ABLIM2: variants seen among roughly 807,000 people sequenced by gnomAD.
ABLIM2 encodes actin binding LIM protein family member 2.
ABLIM2 carries 53 observed loss-of-function variants against 97.7 expected under a neutral mutation model. The ratio of observed to expected loss-of-function variants is 0.54; its 90% CI spans 0.44 to 0.68. The LOEUF is 0.68. Ranked by LOEUF, ABLIM2 falls within the 30% of genes least tolerant of loss-of-function variation. ABLIM2 has a pLI of 0.00. For synonymous variants in ABLIM2, 361 were observed against 345.8 expected (o/e 1.04, Z -0.49); for missense variants, 835 against 867.2 (o/e 0.96, Z 0.47).
At chr4:8,009,728 A>C (rs1237513733) in intron 14 of ABLIM2, among the ~76,000 whole-genome samples, 3 of 151,032 alleles carry the variant, frequency 2.0e-5, no homozygotes, top group African/African-American at 7.3e-5. Context: ...CATTTTAAAA[A>C]CCTCCCACGT....
Position 8,002,408 on chromosome 4 carries a change from C to T in ABLIM2, c.1618+5651G>A, listed in dbSNP as rs1757842756. ...CCCTGCCAGTGAGATCCTTCCAGGG[C>T]CCCCCACTGCTTTTGTGGGAGCCCT... On this transcript the variant is annotated intron_variant, in intron 16 of 20. Transcript: ENST00000447017. The surrounding 1 kb of genome is among the most constrained non-coding windows in gnomAD (Gnocchi z 6.1). Among the ~76,000 whole-genome samples, 1 of 149,900 alleles carries T rather than the reference C, an allele frequency of 6.7e-6. No homozygotes were observed. Among genetic ancestry groups the T allele is most frequent in the East Asian group, 1.9e-4 (1 of 5,176 alleles).
At position 8,061,221 on chromosome 4, in the gene ABLIM2, C is replaced by A. The variant is rs1472479091; in HGVS notation, c.676-167G>T. ...AAGACCCCTGAGCAGAGCCCAGACC[C>A]GGGGGTGCCCCCGGGCTGTCCAAGG... On this transcript the variant is annotated intron_variant, in intron 6 of 20. Transcript: ENST00000447017. This position sits in a 1 kb window ranked among gnomAD's most constrained non-coding sequence, Gnocchi z 4.5. Among the ~76,000 whole-genome samples the A allele has an allele frequency of 6.6e-6, 1 of 151,898 alleles. No homozygotes were observed. The highest frequency in any genetic ancestry group is 1.5e-5 in the Non-Finnish European group (1 of 67,936).
intron 6 of ABLIM2, among the ~76,000 whole-genome samples, chr4:8,070,120 G>A (rs1187192212): frequency 6.6e-6 from 1 of 151,740 alleles, no homozygotes; most frequent in African/African-American, 2.4e-5. Context: ...ATGTGTCTAT[G>A]TATGTCTACA....
intron 20 of ABLIM2, among the ~76,000 whole-genome samples, chr4:7,968,509 T>A (rs1209460914): frequency 6.6e-6 from 1 of 152,226 alleles, no homozygotes; most frequent in Non-Finnish European, 1.5e-5. Context: ...TAAAAGGTCG[T>A]GAAGTTCCGA....
intron 6 of ABLIM2, among the ~76,000 whole-genome samples, chr4:8,073,140 T>C (rs977838432): frequency 7.2e-6 from 1 of 139,316 alleles, no homozygotes; most frequent in African/African-American, 2.7e-5. Context: ...GTGGGGAAGA[T>C]GGGAGGAGAC....
intron 1 of ABLIM2, among the ~76,000 whole-genome samples, chr4:8,118,102 T>C (rs1843590937): frequency 6.6e-6 from 1 of 152,226 alleles, no homozygotes; most frequent in Non-Finnish European, 1.5e-5. Context: ...AGCCTCTCCC[T>C]GCCATCTGCG....
intron 12 of ABLIM2, among the ~76,000 whole-genome samples, chr4:8,027,410 C>A (rs1778110616): frequency 1.3e-5 from 2 of 152,158 alleles, no homozygotes; most frequent in Admixed American, 6.5e-5. Flanking sequence ...ACCCTGAGAG[C>A]ACCTGTGCCC....
chr4:8,035,648 C>T (rs535448705), intron 10 of ABLIM2, among the ~76,000 whole-genome samples: 5 of 152,312 alleles, frequency 3.3e-5, no homozygotes, highest in South Asian at 4.1e-4. Flanking sequence ...GGAGTAGGAA[C>T]GCCGTCCACA....
At chr4:7,968,541 G>A (rs935176874) in intron 20 of ABLIM2, among the ~76,000 whole-genome samples, 5 of 152,232 alleles carry the variant, frequency 3.3e-5, no homozygotes, top group African/African-American at 9.6e-5. Flanking sequence ...GCATGGATGA[G>A]CCCCAAACAC....
rs375497178 is a variant in ABLIM2, at chr4:8,096,865, T to G, written c.338+234A>C. On this transcript the variant is annotated intron_variant, in intron 3 of 20. Coordinates refer to ENST00000447017, the MANE Select transcript of ABLIM2 (RefSeq NM_001130083.2). ...CTTGCTGCATGCTTGCTCTGTGCCATGCACCAGACCCAAAGCGGGGCAGCC... is the reference window on the plus strand; with the variant it reads ...CTTGCTGCATGCTTGCTCTGTGCCAGGCACCAGACCCAAAGCGGGGCAGCC... Among the ~76,000 whole-genome samples the G allele has an allele frequency of 5.3e-5, 8 of 152,260 alleles. 1 individual carries two copies. The highest frequency in any genetic ancestry group is 1.9e-4 in the African/African-American group (8 of 41,560).
In ABLIM2 at chr4:8,045,235, T is replaced by A; in HGVS notation, c.829A>T (p.Arg277Ter). The change falls in exon 9 of 21, where the codon AGA (arginine) becomes TGA (stop). Residue 277 changes from arginine to a stop codon, truncating the protein, a stop_gained. Coordinates refer to ENST00000447017, the MANE Select transcript of ABLIM2 (RefSeq NM_001130083.2). LOFTEE classifies it high-confidence loss of function. ...GAAATGATGCTCTCTGAGGAAGTTCTGGTTTCCTGAGAAAGGAGAGAGGAA... is the reference window on the plus strand; with the variant it reads ...GAAATGATGCTCTCTGAGGAAGTTCAGGTTTCCTGAGAAAGGAGAGAGGAA... ...ARTEDRNKETRTSSESIISVP... is the reference protein window; with the variant it reads ...ARTEDRNKET The A allele has an allele frequency of 6.2e-7, 1 of 1,613,760 alleles. No homozygotes were observed. Among genetic ancestry groups the A allele is most frequent in the Non-Finnish European group, 8.5e-7 (1 of 1,179,636 alleles).
intron 2 of ABLIM2, among the ~76,000 whole-genome samples, chr4:8,104,359 C>T (rs1156854925): frequency 6.6e-6 from 1 of 152,206 alleles, no homozygotes; most frequent in East Asian, 1.9e-4. Flanking sequence ...TCCCTGGGTC[C>T]CCCCATGAGG....
chr4:8,158,555 A>G, intron 1 of ABLIM2, 125 bp downstream of exon 1: 1 of 1,244,420 alleles, frequency 8.0e-7, no homozygotes, highest in Non-Finnish European at 1.1e-6. Context: ...CTGGAGCAAA[A>G]GTTGGGTGGA....
chr4:8,128,005 G>A lies in ABLIM2; in HGVS notation c.11-21368C>T, dbSNP rs1446605697. On this transcript the variant is annotated intron_variant, in intron 1 of 20. Coordinates refer to ENST00000447017, the MANE Select transcript of ABLIM2 (RefSeq NM_001130083.2). This position sits in a 1 kb window ranked among gnomAD's most constrained non-coding sequence, Gnocchi z 4.9. ...AATGGGGGCTTCAAACAACAGATACGGATTCTCTCGCAGTTCTGGGGGCCA... is the reference window on the plus strand; with the variant it reads ...AATGGGGGCTTCAAACAACAGATACAGATTCTCTCGCAGTTCTGGGGGCCA... 2.0e-5 allele frequency among the ~76,000 whole-genome samples: 3 copies of A among 152,190 alleles called. No individual in the cohort carries two copies. Among genetic ancestry groups the A allele is most frequent in the African/African-American group, 4.8e-5 (2 of 41,456 alleles).
rs908563031 is a variant in ABLIM2 at position 8,130,299 on chromosome 4, G to A, written c.11-23662C>T. On this transcript the variant is annotated intron_variant, in intron 1 of 20. Transcript: ENST00000447017. This position sits in a 1 kb window ranked among gnomAD's most constrained non-coding sequence, Gnocchi z 4.2. ...ACCAGTTCCGGGATGGCCCATGCTG[G>A]GAAACATCACGTTGCTTTGAGGCCA... Among the ~76,000 whole-genome samples the A allele has an allele frequency of 3.9e-5, 6 of 152,190 alleles. No individual in the cohort carries two copies. Among genetic ancestry groups the A allele is most frequent in the South Asian group, 4.1e-4 (2 of 4,830 alleles).
chr4:7,975,858 G>T (rs905030729), intron 20 of ABLIM2, among the ~76,000 whole-genome samples: 2 of 152,192 alleles, frequency 1.3e-5, no homozygotes, highest in Non-Finnish European at 2.9e-5. Flanking sequence ...AGCCCTTCAA[G>T]TAGGCCTGAG....
At chr4:8,027,733 A>G in intron 12 of ABLIM2, 26 bp downstream of exon 12, 1 of 1,519,516 alleles carries the variant, frequency 6.6e-7, no homozygotes, top group East Asian at 2.5e-5. Flanking sequence ...ATGAGCACCC[A>G]CAGCCCACAT....
intron 20 of ABLIM2, among the ~76,000 whole-genome samples, chr4:7,978,982 C>A (rs570530560): frequency 6.6e-6 from 1 of 152,104 alleles, no homozygotes; most frequent in Non-Finnish European, 1.5e-5. Flanking sequence ...GCCTCATCTG[C>A]GCACTCACTG....
chr4:8,140,355 A>G lies in ABLIM2; in HGVS notation c.10+18325T>C, dbSNP rs1400850642. 6.6e-6 allele frequency among the ~76,000 whole-genome samples: 1 copy of G among 152,224 alleles called. No homozygotes were observed. The highest frequency in any genetic ancestry group is 1.5e-5 in the Non-Finnish European group (1 of 68,030). ...TCAAACACACCACAGGGAGCCATGC[A>G]GTGGGATCCTACACGGCAGCTAAGG... On this transcript the variant is annotated intron_variant, in intron 1 of 20. Transcript: ENST00000447017. This position sits in a 1 kb window ranked among gnomAD's most constrained non-coding sequence, Gnocchi z 5.9.
Sources: gnomAD v4.1 joint callset for allele counts (sites outside exome capture counted in the v4.1 genomes callset) on GRCh38, gnomAD v4.1.1 for gene constraint, Gnocchi (gnomAD v3.1) non-coding constraint, MANE v1.5 for transcripts, NCBI Gene and HGNC (gene_info 2026-07-23, HGNC 2026-07-21) for gene names.